Variants in GRK3 observed in about 807,000 individuals in gnomAD.
GRK3 encodes the protein G protein-coupled receptor kinase 3, also known as adrenergic, beta, receptor kinase 2.
A neutral mutation model predicts 95.7 loss-of-function variants in GRK3; 54 were observed. That is an observed-to-expected ratio of 0.56 (90% CI 0.45 to 0.71). GRK3 has a LOEUF of 0.71. Ranked by LOEUF, GRK3 falls within the 30% of genes least tolerant of loss-of-function variation. The pLI is 0.00. For missense variants in GRK3, 649 were observed against 851.2 expected (o/e 0.76, Z 2.96); for synonymous variants, 281 against 290.8 (o/e 0.97, Z 0.34).
At chr22:25,720,626 G>A (rs936641470) in intron 19 of GRK3, among the ~76,000 whole-genome samples, 2 of 151,714 alleles carry the variant, frequency 1.3e-5, no homozygotes, top group East Asian at 1.9e-4. Flanking sequence ...ACAGGAGCCC[G>A]CTACCACGCC....
chr22:25,692,949 T>C (rs2085176710), intron 12 of GRK3, among the ~76,000 whole-genome samples: 2 of 152,242 alleles, frequency 1.3e-5, no homozygotes, highest in African/African-American at 4.8e-5. Context: ...GATTCTTAGA[T>C]TTCTTCCAGC....
At chr22:25,632,840 T>C (rs1039753174) in intron 2 of GRK3, among the ~76,000 whole-genome samples, 1 of 152,092 alleles carries the variant, frequency 6.6e-6, no homozygotes, top group Non-Finnish European at 1.5e-5. Flanking sequence ...TTCTTTTTCA[T>C]TGATCTATGT....
At chr22:25,715,902 C>T (rs974618013) in intron 18 of GRK3, among the ~76,000 whole-genome samples, 4 of 152,180 alleles carry the variant, frequency 2.6e-5, no homozygotes, top group East Asian at 3.8e-4. Context: ...TTTATATAAA[C>T]GTTGCCAGAA....
intron 2 of GRK3, among the ~76,000 whole-genome samples, chr22:25,632,797 A>G (rs1281628313): frequency 6.6e-6 from 1 of 152,196 alleles, no homozygotes; most frequent in African/African-American, 2.4e-5. Flanking sequence ...AGATCAATTG[A>G]TTATGTATAT....
intron 17 of GRK3, among the ~76,000 whole-genome samples, chr22:25,712,076 A>G (rs1435845599): frequency 6.6e-6 from 1 of 152,224 alleles, no homozygotes; most frequent in Non-Finnish European, 1.5e-5. Flanking sequence ...GGAGAGCAGC[A>G]TGTACACGCC....
chr22:25,657,585 A>C (rs1176680837), intron 3 of GRK3, among the ~76,000 whole-genome samples: 1 of 152,166 alleles, frequency 6.6e-6, no homozygotes, highest in South Asian at 2.1e-4. Flanking sequence ...AGACAGATAT[A>C]AAAGTGTCTT....
At chr22:25,666,754 A>G (rs13053444) in intron 5 of GRK3, among the ~76,000 whole-genome samples, 1 of 151,866 alleles carries the variant, frequency 6.6e-6, no homozygotes, top group African/African-American at 2.4e-5. Flanking sequence ...TTTTTCTTTT[A>G]TTTTGTTTTG....
chr22:25,679,516 C>G (rs1007613188), intron 9 of GRK3, among the ~76,000 whole-genome samples: 1 of 152,228 alleles, frequency 6.6e-6, no homozygotes, highest in Admixed American at 6.5e-5. Context: ...CACTTTTACC[C>G]TACATCTTCT....
At chr22:25,677,413 A>AAAAAAG (rs2085040259) in intron 8 of GRK3, among the ~76,000 whole-genome samples, 1 of 148,998 alleles carries the variant, frequency 6.7e-6, no homozygotes, top group African/African-American at 2.5e-5. Context: ...AAAAGGAAAA[A>AAAAAAG]AAAAGAAAAG....
chr22:25,695,239 T>C (rs2085198293), intron 13 of GRK3, 25 bp downstream of exon 13: 1 of 1,538,154 alleles, frequency 6.5e-7, no homozygotes, highest in Admixed American at 1.7e-5. Flanking sequence ...ATCCTTCTAG[T>C]GCTGTCCTCA....
chr22:25,598,408 C>T (rs1364316326), intron 1 of GRK3, among the ~76,000 whole-genome samples: 3 of 152,220 alleles, frequency 2.0e-5, no homozygotes, highest in African/African-American at 7.2e-5. Context: ...CTTGGTGGCT[C>T]ACGCCTGTAT....
chr22:25,710,002 G>A (rs947590154), intron 16 of GRK3, 38 bp downstream of exon 16: 14 of 1,444,404 alleles, frequency 9.7e-6, no homozygotes, highest in South Asian at 2.3e-5. Flanking sequence ...CGGTACTGCC[G>A]CCCCGCCCTT....
rs370852673 is a variant in GRK3 at position 25,681,787 on chromosome 22, A to C, written c.747+2872A>C. ...CTATTTTGTTGACTTTTAGTAGGAAATCAAAGTAGACAGTTCCTTGCTCAA... is the reference window on the plus strand; with the variant it reads ...CTATTTTGTTGACTTTTAGTAGGAACTCAAAGTAGACAGTTCCTTGCTCAA... On this transcript the variant is annotated intron_variant, in intron 9 of 20. Transcript: ENST00000324198. Among the ~76,000 whole-genome samples, 159 of 152,342 alleles carry C rather than the reference A, an allele frequency of 1.0e-3. 5 individuals carry two copies. In the South Asian group the frequency reaches 0.031, roughly 30 times the overall value.
intron 15 of GRK3, among the ~76,000 whole-genome samples, chr22:25,708,104 C>A (rs964204246): frequency 1.3e-5 from 2 of 151,914 alleles, no homozygotes; most frequent in Non-Finnish European, 2.9e-5. Context: ...AATAATTAGC[C>A]GGGTGTGGTG....
chr22:25,637,591 A>G (rs1223955501), intron 2 of GRK3, among the ~76,000 whole-genome samples: 4 of 152,336 alleles, frequency 2.6e-5, no homozygotes, highest in South Asian at 4.1e-4. Flanking sequence ...TTCATTGGAT[A>G]AGTATCTAAT....
intron 6 of GRK3, among the ~76,000 whole-genome samples, chr22:25,670,881 C>CAAAA (rs71191074): frequency 5.8e-4 from 38 of 65,678 alleles, no homozygotes; most frequent in Middle Eastern, 0.013. Flanking sequence ...ACTAAAAATA[C>CAAAA]AAAAAAAAAA....
intron 2 of GRK3, among the ~76,000 whole-genome samples, chr22:25,614,456 A>C (rs569563446): frequency 3.3e-5 from 5 of 152,158 alleles, no homozygotes; most frequent in Non-Finnish European, 7.4e-5. Context: ...CTAAATTTTT[A>C]CTGCTTAATT....
intron 3 of GRK3, chr22:25,648,690 G>A (rs2084805592): frequency 5.9e-6 from 6 of 1,022,788 alleles, no homozygotes; most frequent in African/African-American, 1.6e-5. Flanking sequence ...CCTTAAGGAA[G>A]GAGATGGAAA....
intron 2 of GRK3, among the ~76,000 whole-genome samples, chr22:25,621,835 G>A (rs2084588283): frequency 1.3e-5 from 2 of 152,156 alleles, no homozygotes; most frequent in Non-Finnish European, 2.9e-5. Flanking sequence ...AGACCTGTTA[G>A]AAAGTGACAT....
Sources: gnomAD v4.1 joint callset for allele counts (sites outside exome capture counted in the v4.1 genomes callset) on GRCh38, gnomAD v4.1.1 for gene constraint, MANE v1.5 for transcripts, NCBI Gene and HGNC (gene_info 2026-07-23, HGNC 2026-07-21) for gene names.